FNDC1: variants seen among roughly 807,000 people sequenced by gnomAD.
FNDC1 encodes fibronectin type III domain-containing protein 1.
Under a neutral mutation model 168.0 loss-of-function variants are expected in FNDC1, and 96 were observed. The ratio of observed to expected loss-of-function variants is 0.57; its 90% CI spans 0.48 to 0.68. The LOEUF (loss-of-function observed/expected upper bound fraction) is 0.68. FNDC1 is among the 30% of genes least tolerant of loss of function. The pLI is 0.00. For synonymous variants in FNDC1, 1,099 were observed against 1,025.9 expected, an observed-to-expected ratio of 1.07 and a Z score of -1.36; for missense variants, 2,587 against 2,482.1, an observed-to-expected ratio of 1.04 and a Z score of -0.90.
intron 11 of FNDC1, 81 bp downstream of exon 11, chr6:159,234,560 G>A (rs576224874): frequency 8.3e-6 from 11 of 1,330,282 alleles, no homozygotes; most frequent in Middle Eastern, 1.8e-4. Flanking sequence ...TTATTCTATT[G>A]CATTTAGCAC....
intron 22 of FNDC1, among the ~76,000 whole-genome samples, chr6:159,270,746 A>G (rs960144721): frequency 5.9e-5 from 9 of 152,238 alleles, no homozygotes; most frequent in Admixed American, 5.9e-4. Flanking sequence ...AATCTACCCC[A>G]GAGTCCAGGA....
chr6:159,185,913 T>C (rs1583854810), intron 1 of FNDC1, among the ~76,000 whole-genome samples: 1 of 152,314 alleles, frequency 6.6e-6, no homozygotes, highest in East Asian at 1.9e-4. Flanking sequence ...ATAGTGTCTA[T>C]GGTGGTGGTT....
intron 10 of FNDC1, among the ~76,000 whole-genome samples, chr6:159,230,622 A>G (rs1783060730): frequency 6.6e-6 from 1 of 152,226 alleles, no homozygotes. Context: ...TCAGTTGTCT[A>G]GCTTACCTGA....
intron 2 of FNDC1, 66 bp from the exon 3 acceptor site, chr6:159,199,930 A>T: frequency 7.5e-7 from 1 of 1,334,718 alleles, no homozygotes; most frequent in Non-Finnish European, 1.1e-6. Flanking sequence ...ATGCATGGTT[A>T]GTGAGTGAAA....
In FNDC1 at chr6:159,215,039, C is replaced by T. The variant is rs1214047136; in HGVS notation, c.555C>T (p.Ala185=). 2 of 1,613,994 alleles carry T rather than the reference C, an allele frequency of 1.2e-6. No homozygotes were observed. The highest frequency in any genetic ancestry group is 2.7e-5 in the African/African-American group (2 of 75,048). The change falls in exon 5 of 23, where the codon GCC becomes GCT. Residue 185 remains alanine (A), a synonymous_variant. Transcript: ENST00000297267. ...VAWKAPRLSG[A]KSPRRSRGFL... is the part of the protein sequence containing the mutation. ...GGAAGGCACCACGCCTGTCTGGAGC[C>T]AAGAGTCCACGCAGATCACGGGGTT...
chr6:159,269,101 C>T (rs546733618), intron 22 of FNDC1, among the ~76,000 whole-genome samples: 1 of 139,638 alleles, frequency 7.2e-6, no homozygotes, highest in African/African-American at 2.8e-5. Flanking sequence ...TCTATCTATC[C>T]ATTTGTTTAT....
intron 16 of FNDC1, among the ~76,000 whole-genome samples, chr6:159,249,729 C>A (rs1166365324): frequency 2.0e-5 from 3 of 152,192 alleles, no homozygotes; most frequent in African/African-American, 7.2e-5. Flanking sequence ...ATAGGAAATT[C>A]TGTGAAACTA....
chr6:159,203,011 A>G (rs1411903977), intron 4 of FNDC1, among the ~76,000 whole-genome samples: 1 of 152,210 alleles, frequency 6.6e-6, no homozygotes, highest in Admixed American at 6.5e-5. Flanking sequence ...CTTGGCTTGT[A>G]GATGGTCACC....
chr6:159,217,522 G>T (rs1392839110), intron 5 of FNDC1, among the ~76,000 whole-genome samples: 1 of 152,014 alleles, frequency 6.6e-6, no homozygotes, highest in Non-Finnish European at 1.5e-5. Context: ...TGGAGACATT[G>T]GGTGGATGGT....
rs576387343 is a variant in FNDC1 at position 159,216,043 on chromosome 6, C to A, written c.667+892C>A. ...GTGGCGCAATCTTGGCCCACGGCAACCTCCGCCTCCCGGGTTCAGGCGATT... is the reference window on the plus strand; with the variant it reads ...GTGGCGCAATCTTGGCCCACGGCAAACTCCGCCTCCCGGGTTCAGGCGATT... On this transcript the variant is annotated intron_variant, in intron 5 of 22. Coordinates refer to ENST00000297267, the MANE Select transcript of FNDC1 (RefSeq NM_032532.3). Among the ~76,000 whole-genome samples, 4 of 152,216 alleles carry A rather than the reference C, an allele frequency of 2.6e-5. No homozygotes were observed. The East Asian group carries it at 7.7e-4, about 29-fold the overall frequency.
intron 4 of FNDC1, among the ~76,000 whole-genome samples, chr6:159,207,780 A>G (rs1439646813): frequency 6.6e-6 from 1 of 152,236 alleles, no homozygotes; most frequent in Non-Finnish European, 1.5e-5. Flanking sequence ...AAACAACTGC[A>G]TTACTTACCA....
chr6:159,202,033 T>C (rs1272066337), intron 4 of FNDC1, among the ~76,000 whole-genome samples: 1 of 152,222 alleles, frequency 6.6e-6, no homozygotes, highest in Non-Finnish European at 1.5e-5. Flanking sequence ...GTGTTCCAGC[T>C]CATTATTGGT....
chr6:159,176,941 T>A (rs1781773075), intron 1 of FNDC1, among the ~76,000 whole-genome samples: 1 of 152,212 alleles, frequency 6.6e-6, no homozygotes, highest in Admixed American at 6.5e-5. Context: ...TGAAGAATCA[T>A]CTTTGTTTCA....
intron 14 of FNDC1, chr6:159,243,172 T>G (rs1583905620): frequency 4.4e-4 from 2 of 4,590 alleles, no homozygotes; most frequent in East Asian, 2.8e-3. Flanking sequence ...GCCAGTGCTC[T>G]TTTTTTTTTT....
At chr6:159,269,603 CT>C (rs1777699241) in intron 22 of FNDC1, among the ~76,000 whole-genome samples, 20 of 18,988 alleles carry the variant, frequency 1.1e-3, no homozygotes, top group Non-Finnish European at 2.8e-3. Context: ...GTCTGTCTAT[CT>C]ATCTATCTAT....
chr6:159,221,701 G>C lies in FNDC1; in HGVS notation c.766+5G>C. ...TAACAAAGCGAAAGATTTCAGGTAT[G>C]TTTCTAAGGATGCATTTGGTCAAAC... is the stretch of plus-strand genomic sequence containing the variant. On this transcript the variant is annotated splice_donor_5th_base_variant and intron_variant, in intron 6 of 22. Coordinates refer to ENST00000297267, the MANE Select transcript of FNDC1 (RefSeq NM_032532.3). 6.2e-7 allele frequency: 1 copy of C among 1,611,006 alleles called. No individual in the cohort carries two copies. Among genetic ancestry groups the C allele is most frequent in the Non-Finnish European group, 8.5e-7 (1 of 1,177,134 alleles).
At chr6:159,236,391 G>T (rs1344942142) in intron 12 of FNDC1, 76 bp downstream of exon 12, 8 of 926,374 alleles carry the variant, frequency 8.6e-6, no homozygotes, top group Non-Finnish European at 1.2e-5. Flanking sequence ...ATTGTGTAAT[G>T]ATAAATGAAG....
intron 11 of FNDC1, 30 bp downstream of exon 11, chr6:159,234,509 T>G: frequency 6.2e-7 from 1 of 1,607,740 alleles, no homozygotes. Context: ...AGTCTTTCTT[T>G]AAGGTGTTCA....
At chr6:159,183,410 G>C (rs777750209) in intron 1 of FNDC1, among the ~76,000 whole-genome samples, 2 of 152,178 alleles carry the variant, frequency 1.3e-5, no homozygotes, top group Non-Finnish European at 2.9e-5. Flanking sequence ...GATTTAAACT[G>C]TCATCCCTCA....
Sources: allele counts gnomAD v4.1 joint callset (sites outside exome capture counted in the v4.1 genomes callset), GRCh38; gene constraint gnomAD v4.1.1; transcripts MANE v1.5; gene names NCBI Gene and HGNC (gene_info 2026-07-23, HGNC 2026-07-21).